MAPKAP1: variants seen among roughly 807,000 people sequenced by gnomAD.
MAPKAP1 encodes the protein MAPK associated protein 1.
A neutral mutation model predicts 65.7 loss-of-function variants in MAPKAP1; 20 were observed. The ratio of observed to expected loss-of-function variants is 0.30; its 90% CI spans 0.21 to 0.44. The LOEUF (loss-of-function observed/expected upper bound fraction) is 0.44, where lower values mean the gene tolerates loss of function less well. Among genes scored for constraint, MAPKAP1 ranks in the 20% least tolerant of loss-of-function variants. The pLI, the probability that MAPKAP1 is intolerant of heterozygous loss-of-function variation, is 1.00. For synonymous variants in MAPKAP1, 222 were observed against 244.3 expected (o/e 0.91, Z 0.85); for missense variants, 423 against 648.0 (o/e 0.65, Z 3.77).
chr9:125,577,052 G>T (rs1453841195), intron 5 of MAPKAP1, among the ~76,000 whole-genome samples: 1 of 150,794 alleles, frequency 6.6e-6, no homozygotes, highest in South Asian at 2.1e-4. Flanking sequence ...CTGCCCGGCC[G>T]CCATCCCATC....
At chr9:125,620,807 T>C (rs999175906) in intron 4 of MAPKAP1, among the ~76,000 whole-genome samples, 2 of 152,242 alleles carry the variant, frequency 1.3e-5, no homozygotes, top group Admixed American at 1.3e-4. Flanking sequence ...AAAATAAGTA[T>C]ATTTTCATAT....
At chr9:125,697,337 GATTT>G (rs1411385905) in intron 1 of MAPKAP1, among the ~76,000 whole-genome samples, 1 of 152,158 alleles carries the variant, frequency 6.6e-6, no homozygotes, top group Non-Finnish European at 1.5e-5. Context: ...TTTAAACTAT[GATTT>G]ATTTTTAAAT....
At chr9:125,556,037 C>A (rs1054412609) in intron 6 of MAPKAP1, among the ~76,000 whole-genome samples, 9 of 152,212 alleles carry the variant, frequency 5.9e-5, no homozygotes, top group Non-Finnish European at 4.4e-5. Flanking sequence ...TAATTCAGTT[C>A]TTGCTCTCCA....
chr9:125,483,230 T>A (rs542792666), intron 9 of MAPKAP1, among the ~76,000 whole-genome samples: 1 of 152,328 alleles, frequency 6.6e-6, no homozygotes, highest in Non-Finnish European at 1.5e-5. Flanking sequence ...AGGATAGAAT[T>A]GAGGCTCAGA....
In MAPKAP1 at chr9:125,598,762, C is replaced by T. The variant is rs540392039; in HGVS notation, c.499-13035G>A. ...GACGATTCAATAAGACTGTACGGGCCGGCGCAGTAGCTCACACCTGTAATC... is the reference window on the plus strand; with the variant it reads ...GACGATTCAATAAGACTGTACGGGCTGGCGCAGTAGCTCACACCTGTAATC... On this transcript the variant is annotated intron_variant, in intron 4 of 11. Transcript: ENST00000265960. Among the ~76,000 whole-genome samples the T allele has an allele frequency of 3.9e-5, 6 of 152,084 alleles. No individual in the cohort carries two copies. The East Asian group carries it at 1.2e-3, about 29-fold the overall frequency.
chr9:125,658,305 T>C (rs1834090718), intron 3 of MAPKAP1, among the ~76,000 whole-genome samples: 1 of 152,196 alleles, frequency 6.6e-6, no homozygotes, highest in Non-Finnish European at 1.5e-5. Context: ...ATGCCAAAGA[T>C]GAAGAGGAGA....
chr9:125,684,969 G>A (rs554500099), intron 1 of MAPKAP1, among the ~76,000 whole-genome samples: 1 of 152,170 alleles, frequency 6.6e-6, no homozygotes, highest in African/African-American at 2.4e-5. Context: ...CACCGCACCC[G>A]GCTTGCTCCC....
chr9:125,646,679 GA>G (rs1486857252), intron 4 of MAPKAP1, among the ~76,000 whole-genome samples: 1 of 151,722 alleles, frequency 6.6e-6, no homozygotes, highest in African/African-American at 2.4e-5. Context: ...ATAGAAAGAG[GA>G]AAAAAAGGTC....
At chr9:125,698,997 T>C (rs1182068049) in intron 1 of MAPKAP1, among the ~76,000 whole-genome samples, 2 of 152,206 alleles carry the variant, frequency 1.3e-5, no homozygotes, top group Non-Finnish European at 2.9e-5. Context: ...ACATCCTGAA[T>C]GTCTTATGCC....
At position 125,441,653 on chromosome 9, in the gene MAPKAP1, A is replaced by G. The variant is rs561412090; in HGVS notation, c.1444-2641T>C. ...TAAAATTCCTGAATTCTAGAACAACAGCATGCATTACTAGAGTCTAAACTG... is the reference window on the plus strand; with the variant it reads ...TAAAATTCCTGAATTCTAGAACAACGGCATGCATTACTAGAGTCTAAACTG... On this transcript the variant is annotated intron_variant, in intron 11 of 11. Coordinates refer to ENST00000265960, the MANE Select transcript of MAPKAP1 (RefSeq NM_001006617.3). 6.6e-5 allele frequency among the ~76,000 whole-genome samples: 10 copies of G among 152,282 alleles called. No individual in the cohort carries two copies. The East Asian group carries it at 1.9e-3, about 29-fold the overall frequency.
At chr9:125,534,218 A>G (rs980444859) in intron 7 of MAPKAP1, among the ~76,000 whole-genome samples, 8 of 152,216 alleles carry the variant, frequency 5.3e-5, no homozygotes, top group African/African-American at 1.9e-4. Context: ...TGTATAACCT[A>G]TATGTATATC....
intron 10 of MAPKAP1, among the ~76,000 whole-genome samples, chr9:125,449,059 T>A (rs962173402): frequency 6.6e-6 from 1 of 151,796 alleles, no homozygotes; most frequent in Non-Finnish European, 1.5e-5. Context: ...AGTATGACTT[T>A]AAAAAAATGT....
At chr9:125,610,368 A>G (rs945152972) in intron 4 of MAPKAP1, among the ~76,000 whole-genome samples, 1 of 152,262 alleles carries the variant, frequency 6.6e-6, no homozygotes, top group South Asian at 2.1e-4. Flanking sequence ...ATCTGACTCA[A>G]TACACTGGTT....
At chr9:125,494,347 C>T (rs779718422) in intron 8 of MAPKAP1, among the ~76,000 whole-genome samples, 19 of 152,176 alleles carry the variant, frequency 1.2e-4, no homozygotes, top group Non-Finnish European at 2.6e-4. Context: ...CTCTTTAAAG[C>T]CATCGGGATC....
intron 4 of MAPKAP1, among the ~76,000 whole-genome samples, chr9:125,586,192 TG>T (rs1367742628): frequency 6.6e-6 from 1 of 152,148 alleles, no homozygotes; most frequent in East Asian, 1.9e-4. Flanking sequence ...TCTCAGAGAC[TG>T]GGGGCTAGTT....
At chr9:125,525,287 A>G (rs921039151) in intron 7 of MAPKAP1, among the ~76,000 whole-genome samples, 2 of 152,228 alleles carry the variant, frequency 1.3e-5, no homozygotes, top group African/African-American at 4.8e-5. Context: ...AATTCTCACA[A>G]TAATGCTATG....
At chr9:125,685,761 T>C (rs1396242592) in intron 1 of MAPKAP1, among the ~76,000 whole-genome samples, 1 of 152,224 alleles carries the variant, frequency 6.6e-6, no homozygotes, top group Admixed American at 6.5e-5. Context: ...GTTTCTAGTA[T>C]ATGTGGATGG....
chr9:125,582,827 C>A (rs1222959851), intron 5 of MAPKAP1, among the ~76,000 whole-genome samples: 1 of 152,172 alleles, frequency 6.6e-6, no homozygotes, highest in African/African-American at 2.4e-5. Flanking sequence ...TTTTTGACAC[C>A]ATGACATATG....
intron 1 of MAPKAP1, among the ~76,000 whole-genome samples, chr9:125,684,692 T>C (rs1564616094): frequency 6.6e-6 from 1 of 152,194 alleles, no homozygotes; most frequent in South Asian, 2.1e-4. Context: ...GCCCTTGGTC[T>C]GAGAAGCCTT....
Sources: gnomAD v4.1 joint callset for allele counts (sites outside exome capture counted in the v4.1 genomes callset) on GRCh38, gnomAD v4.1.1 for gene constraint, MANE v1.5 for transcripts, NCBI Gene and HGNC (gene_info 2026-07-23, HGNC 2026-07-21) for gene names.